POU2F3: variants seen among roughly 807,000 people sequenced by gnomAD.
POU2F3 encodes POU domain, class 2, transcription factor 3.
Under a neutral mutation model 59.2 loss-of-function variants are expected in POU2F3, and 23 were observed. The observed-to-expected ratio is 0.39, with a 90% CI of 0.28 to 0.55. The LOEUF (loss-of-function observed/expected upper bound fraction) is 0.55, where lower values mean the gene tolerates loss of function less well. Among genes scored for constraint, POU2F3 ranks in the 20% least tolerant of loss-of-function variants. POU2F3 has a pLI of 0.66. For synonymous variants in POU2F3, 190 were observed against 214.6 expected, an observed-to-expected ratio of 0.89 and a Z score of 1.00; for missense variants, 473 against 544.5, an observed-to-expected ratio of 0.87 and a Z score of 1.31.
intron 10 of POU2F3, among the ~76,000 whole-genome samples, chr11:120,314,751 C>G (rs1326812660): frequency 2.0e-5 from 3 of 152,062 alleles, no homozygotes; most frequent in African/African-American, 7.2e-5. Flanking sequence ...GGAGGGTAAA[C>G]AAAGTTATCC....
At chr11:120,275,616 C>T (rs1445221493) in intron 3 of POU2F3, among the ~76,000 whole-genome samples, 3 of 152,156 alleles carry the variant, frequency 2.0e-5, no homozygotes, top group Non-Finnish European at 4.4e-5. Context: ...CATTGTGTTG[C>T]TTGAAGACCT....
chr11:120,258,262 G>A (rs1324692676), intron 2 of POU2F3, among the ~76,000 whole-genome samples: 2 of 152,068 alleles, frequency 1.3e-5, no homozygotes, highest in African/African-American at 4.8e-5. Context: ...AGAGCCCCTT[G>A]GACTCTTACT....
intron 4 of POU2F3, among the ~76,000 whole-genome samples, chr11:120,298,854 T>C (rs1941264463): frequency 6.6e-6 from 1 of 152,156 alleles, no homozygotes; most frequent in African/African-American, 2.4e-5. Flanking sequence ...TGACGAGACC[T>C]CTTCTCAGCA....
At chr11:120,236,730 C>T (rs750938975), upstream of POU2F3, 71 of 1,456,452 alleles carry the variant, frequency 4.9e-5, no homozygotes, top group Non-Finnish European at 6.3e-5. Flanking sequence ...TCTACGTTCC[C>T]ATTCTAGCTC....
intron 2 of POU2F3, among the ~76,000 whole-genome samples, chr11:120,251,405 C>A (rs1321471880): frequency 2.6e-5 from 4 of 152,238 alleles, no homozygotes; most frequent in African/African-American, 7.2e-5. Flanking sequence ...TGATGGAGTA[C>A]AATTTTCACA....
intron 3 of POU2F3, among the ~76,000 whole-genome samples, chr11:120,271,831 C>A (rs972498327): frequency 5.9e-5 from 9 of 152,180 alleles, no homozygotes; most frequent in African/African-American, 2.2e-4. Flanking sequence ...TCCCCTCCCT[C>A]TTCTGGGAGG....
chr11:120,277,377 C>T (rs1354799401), intron 3 of POU2F3, among the ~76,000 whole-genome samples: 4 of 152,206 alleles, frequency 2.6e-5, no homozygotes, highest in African/African-American at 4.8e-5. Flanking sequence ...GACCAAGCCA[C>T]ACCCTCCACC....
intron 3 of POU2F3, among the ~76,000 whole-genome samples, chr11:120,288,859 A>G (rs570043078): frequency 1.7e-4 from 23 of 131,876 alleles, no homozygotes; most frequent in Non-Finnish European, 3.6e-4. Context: ...ATACATGTGC[A>G]TATTTTCATA....
chr11:120,261,756 C>T (rs1378791030), intron 2 of POU2F3, among the ~76,000 whole-genome samples: 2 of 152,180 alleles, frequency 1.3e-5, no homozygotes, highest in Admixed American at 6.5e-5. Context: ...AAGAAAAAGT[C>T]CTGGTACGTT....
At chr11:120,249,267 A>C (rs1324687175) in intron 2 of POU2F3, among the ~76,000 whole-genome samples, 1 of 151,974 alleles carries the variant, frequency 6.6e-6, no homozygotes, top group Non-Finnish European at 1.5e-5. Context: ...CCTGTTCAGT[A>C]CTCTTTCCTC....
rs1941590756 is a variant in POU2F3, at chr11:120,309,327, T to C, written c.907-98T>C. On this transcript the variant is annotated intron_variant, in intron 9 of 12. Coordinates refer to ENST00000543440, the MANE Select transcript of POU2F3 (RefSeq NM_014352.4). The stretch of plus-strand genomic sequence containing the variant: ...CATCCTAGGTCTGACTCTAAAGCTT[T>C]TGATCCATGTATAGTTGTATCCTGT... 2.3e-6 allele frequency: 3 copies of C among 1,278,294 alleles called. No homozygotes were observed. The East Asian group carries it at 7.0e-5, about 30-fold the overall frequency. The allele number at this position is 1,278,294 out of a possible 1,614,324, so 79.2% of individuals were successfully genotyped here.
intron 3 of POU2F3, among the ~76,000 whole-genome samples, chr11:120,293,899 AG>A (rs1270432198): frequency 6.6e-6 from 1 of 152,174 alleles, no homozygotes; most frequent in Non-Finnish European, 1.5e-5. Context: ...TGGTAGATAA[AG>A]CACCAGAGGA....
chr11:120,313,043 G>A (rs1941690108), intron 10 of POU2F3, among the ~76,000 whole-genome samples: 1 of 152,160 alleles, frequency 6.6e-6, no homozygotes. Flanking sequence ...GAGTGAGGGT[G>A]TGAATGAGGA....
At chr11:120,309,349 C>T (rs1006705215) in intron 9 of POU2F3, 76 bp from the exon 10 acceptor site, 2 of 1,434,824 alleles carry the variant, frequency 1.4e-6, no homozygotes, top group Non-Finnish European at 1.9e-6. Flanking sequence ...TAGTTGTATC[C>T]TGTTTCTTTG....
intron 10 of POU2F3, among the ~76,000 whole-genome samples, chr11:120,312,954 G>A (rs1311514710): frequency 1.3e-5 from 2 of 152,134 alleles, no homozygotes; most frequent in East Asian, 1.9e-4. Flanking sequence ...GAAATAGCAT[G>A]TACAAAGGTT....
At chr11:120,305,464 A>T in intron 7 of POU2F3, 180 bp from the exon 8 acceptor site, 1 of 1,076,678 alleles carries the variant, frequency 9.3e-7, no homozygotes, top group Non-Finnish European at 1.3e-6. Context: ...TGAGAGTCTA[A>T]GGAGAGAAAG....
chr11:120,315,282 G>A (rs1941755746), intron 10 of POU2F3, 79 bp from the exon 11 acceptor site: 2 of 1,298,304 alleles, frequency 1.5e-6, no homozygotes, highest in African/African-American at 2.9e-5. Flanking sequence ...AGAGTCTGGG[G>A]CCTACTGTCT....
chr11:120,292,745 G>A (rs773913229), intron 3 of POU2F3, among the ~76,000 whole-genome samples: 2 of 152,208 alleles, frequency 1.3e-5, no homozygotes. Context: ...GGAGGGCTCC[G>A]CAGCAGTGCT....
chr11:120,253,858 C>T (rs1565356622), intron 2 of POU2F3, among the ~76,000 whole-genome samples: 1 of 152,212 alleles, frequency 6.6e-6, no homozygotes, highest in Non-Finnish European at 1.5e-5. Flanking sequence ...CTTCGTATGA[C>T]CTCCTTACCA....
Sources: allele counts gnomAD v4.1 joint callset (sites outside exome capture counted in the v4.1 genomes callset), GRCh38; gene constraint gnomAD v4.1.1; transcripts MANE v1.5; gene names NCBI Gene and HGNC (gene_info 2026-07-23, HGNC 2026-07-21).